The following PRG3 variants were observed in gnomAD, a reference collection of about 807,000 sequenced individuals.
The protein encoded by PRG3 is proteoglycan 3, pro eosinophil major basic protein 2, also known as proteoglycan 3.
Under a neutral mutation model 26.1 loss-of-function variants are expected in PRG3, and 25 were observed. The observed-to-expected ratio is 0.96, with a 90% CI of 0.70 to 1.34. PRG3 has a LOEUF of 1.34. PRG3 is among the 40% of genes most tolerant of loss of function. The probability of loss-of-function intolerance (pLI) is 0.00; values close to 1 mark genes in which losing one functional copy is unlikely to be tolerated. For synonymous variants in PRG3, 111 were observed against 100.4 expected, an observed-to-expected ratio of 1.11 and a Z score of -0.63; for missense variants, 280 against 264.8, an observed-to-expected ratio of 1.06 and a Z score of -0.40.
intron 4 of PRG3, 95 bp downstream of exon 4, chr11:57,378,586 A>C: frequency 1.3e-6 from 2 of 1,501,146 alleles, no homozygotes; most frequent in Non-Finnish European, 1.8e-6. Flanking sequence ...CATTAAGGAA[A>C]CCTTAGCTGC....
chr11:57,380,592 G>T, intron 2 of PRG3, 56 bp downstream of exon 2: 1 of 1,437,234 alleles, frequency 7.0e-7, no homozygotes. Context: ...GGGGAGGGGA[G>T]TGTAGGAAAA....
At chr11:57,380,123 C>T (rs374719406) in intron 2 of PRG3, among the ~76,000 whole-genome samples, 30 of 152,088 alleles carry the variant, frequency 2.0e-4, no homozygotes, top group East Asian at 7.7e-4. Flanking sequence ...TACAGTTTGC[C>T]GGGTGCGGTG....
intron 3 of PRG3, 31 bp from the exon 4 acceptor site, chr11:57,378,843 T>C: frequency 6.2e-7 from 1 of 1,609,980 alleles, no homozygotes. Context: ...GAGAATTCCC[T>C]CTCATTTATT....
rs1856980415 is a variant in PRG3 at position 57,379,750 on chromosome 11, A to G, written c.119T>C (p.Leu40Pro). Residue 40 changes from leucine to proline, a missense_variant, in exon 3 of 6, where the codon CTG becomes CCG. Transcript: ENST00000287143. Reference sequence around the variant, plus strand: ...TCTCTCCTGCTCCTTTGAACTATCCAGATCCTGGCCTAGGTCTGCCTGTGT... The same window carrying G: ...TCTCTCCTGCTCCTTTGAACTATCCGGATCCTGGCCTAGGTCTGCCTGTGT... ...LETQADLGQD[L>P]DSSKEQERDL... The G allele has an allele frequency of 6.2e-7, 1 of 1,613,916 alleles. No homozygotes were observed. The highest frequency in any genetic ancestry group is 1.3e-5 in the African/African-American group (1 of 75,026).
intron 2 of PRG3, among the ~76,000 whole-genome samples, chr11:57,380,039 G>A (rs1183151069): frequency 6.6e-6 from 1 of 152,234 alleles, no homozygotes; most frequent in Non-Finnish European, 1.5e-5. Flanking sequence ...GAGAAAGCAC[G>A]TGTGAGAAGC....
At chr11:57,380,420 C>CAAAA (rs948898137) in intron 2 of PRG3, among the ~76,000 whole-genome samples, 1 of 9,030 alleles carries the variant, frequency 1.1e-4, no homozygotes, top group African/African-American at 1.3e-4. Context: ...AAAAAACAAA[C>CAAAA]AAAAAAAAAA....
rs771390486 is a variant in PRG3, at chr11:57,378,772, A to G, written c.416T>C (p.Ile139Thr). 3.1e-6 allele frequency: 5 copies of G among 1,613,844 alleles called. No homozygotes were observed. In the East Asian group the frequency reaches 1.1e-4, roughly 36 times the overall value. The change falls in exon 4 of 6, where the codon ATC (isoleucine) becomes ACC (threonine). Residue 139 changes from isoleucine to threonine, a missense_variant. Ile to Thr is a moderately conservative substitution (Grantham distance 89, BLOSUM62 -1). Transcript: ENST00000287143. ...GCGATAGTTGAAGTTGAAGTCATGG[A>G]TAGAGACAAGGTTGCCTCCGTAGCA... Reference protein sequence around the residue: ...SRCYGGNLVSIHDFNFNYRIQ... With the variant: ...SRCYGGNLVSTHDFNFNYRIQ...
chr11:57,378,641 G>A (rs778289527), intron 4 of PRG3, 40 bp downstream of exon 4: 2 of 1,606,114 alleles, frequency 1.2e-6, no homozygotes, highest in Admixed American at 1.7e-5. Flanking sequence ...AACACATTCA[G>A]AAAGAACTTA....
intron 5 of PRG3, 33 bp from the exon 6 acceptor site, chr11:57,376,941 C>T (rs780123292): frequency 6.2e-7 from 1 of 1,610,176 alleles, no homozygotes; most frequent in Admixed American, 1.7e-5. Flanking sequence ...AGTCCACCGC[C>T]CTGCGGGGTC....
chr11:57,377,955 A>G, intron 4 of PRG3, 119 bp from the exon 5 acceptor site: 1 of 736,988 alleles, frequency 1.4e-6, no homozygotes, highest in Non-Finnish European at 2.3e-6. Flanking sequence ...CTAGAGAGCC[A>G]TTCCTAAGAG....
chr11:57,378,829 A>G lies in PRG3; in HGVS notation c.376-17T>C. 1 of 1,612,388 alleles carries G rather than the reference A, an allele frequency of 6.2e-7. No individual in the cohort carries two copies. Among genetic ancestry groups the G allele is most frequent in the Non-Finnish European group, 8.5e-7 (1 of 1,178,908 alleles). On this transcript the variant is annotated splice_polypyrimidine_tract_variant and intron_variant, in intron 3 of 5. Coordinates refer to ENST00000287143, the MANE Select transcript of PRG3 (RefSeq NM_006093.4). Reference sequence around the variant, plus strand: ...GCAGACATTCTGCAGACGGAAACAAAGTAGAGAATTCCCTCTCATTTATTT... The same window carrying G: ...GCAGACATTCTGCAGACGGAAACAAGGTAGAGAATTCCCTCTCATTTATTT...
Position 57,379,521 on chromosome 11 carries a change from C to CCGCACCA in PRG3, c.341_347dup (p.Thr117GlyfsTer5). ...GAGCTTCTGCAAAAGTTTTAGGAGT[C>CCGCACCA]CGCACCAATAGGTAGCGGCAGATCT... On this transcript the variant is annotated frameshift_variant, in exon 3 of 6. Transcript: ENST00000287143. LOFTEE classifies it high-confidence loss of function. The CCGCACCA allele has an allele frequency of 6.2e-7, 1 of 1,612,852 alleles. No homozygotes were observed. Among genetic ancestry groups the CCGCACCA allele is most frequent in the Non-Finnish European group, 8.5e-7 (1 of 1,179,414 alleles).
chr11:57,380,789 A>G lies in PRG3; in HGVS notation c.-73-8T>C, dbSNP rs945418677. 10 of 986,458 alleles carry G rather than the reference A, an allele frequency of 1.0e-5. No individual in the cohort carries two copies. Among genetic ancestry groups the G allele is most frequent in the African/African-American group, 6.9e-5 (4 of 57,756 alleles). The allele number at this position is 986,458 out of a possible 1,614,324, so 61.1% of individuals were successfully genotyped here. On this transcript the variant is annotated splice_polypyrimidine_tract_variant and splice_region_variant and intron_variant, in intron 1 of 5. Transcript: ENST00000287143. ...GTGTGTCTAGTATAGCCCCTGGCAC[A>G]TAGTATAGAGGGAATATTTGTTTAA...
chr11:57,379,345 G>T, intron 3 of PRG3, 149 bp downstream of exon 3: 1 of 822,158 alleles, frequency 1.2e-6, no homozygotes, highest in Non-Finnish European at 1.9e-6. Flanking sequence ...TGCAGGTGAG[G>T]CCCAGAAAGC....
rs758588168 is a variant in PRG3 at position 57,380,661 on chromosome 11, A to C, written c.48T>G (p.Ser16=). 67 of 1,580,192 alleles carry C rather than the reference A, an allele frequency of 4.2e-5. No individual in the cohort carries two copies. In the Admixed American group the frequency reaches 1.3e-3, roughly 31 times the overall value. The change falls in exon 2 of 6, where the codon TCT becomes TCG. Residue 16 remains serine, a synonymous_variant. Transcript: ENST00000287143. ...GGAGAGACTTACCCAGATGAAGAGC[A>C]GAAACTGTTCCCAGCAGGAGAAAGG... ...LLPFLLLGTV[S]ALHLENDAPH...
chr11:57,379,647 C>T lies in PRG3; in HGVS notation c.222G>A (p.Glu74=), dbSNP rs759524409. The change falls in exon 3 of 6, where the codon GAG becomes GAA. Residue 74 remains glutamate (E), a synonymous_variant. Transcript: ENST00000287143. The stretch of plus-strand genomic sequence containing the variant: ...GGTCCGACTCCATGGCTTCCTCATC[C>T]TCAAAGTTGTCTTGACAGGCAGAAG... ...VKASACQDNF[E]DEEAMESDPA... 1 of 1,613,956 alleles carries T rather than the reference C, an allele frequency of 6.2e-7. No homozygotes were observed. Among genetic ancestry groups the T allele is most frequent in the East Asian group, 2.2e-5 (1 of 44,884 alleles).
intron 2 of PRG3, 62 bp downstream of exon 2, chr11:57,380,586 A>G: frequency 7.2e-7 from 1 of 1,397,334 alleles, no homozygotes; most frequent in Non-Finnish European, 9.7e-7. Context: ...AAGCGGGGGG[A>G]GGGGAGTGTA....
At chr11:57,377,691 C>A (rs1017748086) in intron 5 of PRG3, 34 bp downstream of exon 5, 2 of 1,549,368 alleles carry the variant, frequency 1.3e-6, no homozygotes, top group South Asian at 1.1e-5. Context: ...ACTTTACTAT[C>A]CCTTCTCCCT....
At chr11:57,377,908 C>T in intron 4 of PRG3, 72 bp from the exon 5 acceptor site, 6 of 1,255,726 alleles carry the variant, frequency 4.8e-6, no homozygotes, top group Non-Finnish European at 5.7e-6. Flanking sequence ...CCCCTGTTGA[C>T]TTCTCTCACT....
Sources: allele counts gnomAD v4.1 joint callset (sites outside exome capture counted in the v4.1 genomes callset), GRCh38; gene constraint gnomAD v4.1.1; transcripts MANE v1.5; gene names NCBI Gene and HGNC (gene_info 2026-07-23, HGNC 2026-07-21).